CDH22: variants seen among roughly 807,000 people sequenced by gnomAD.
CDH22 encodes the protein cadherin 22, also known as cadherin-22.
In CDH22, 30 loss-of-function variants were observed where a neutral mutation model predicts 58.4. The ratio of observed to expected loss-of-function variants is 0.51; its 90% CI spans 0.38 to 0.70. The LOEUF (loss-of-function observed/expected upper bound fraction) is 0.70, where lower values mean the gene tolerates loss of function less well. Ranked by LOEUF, CDH22 falls within the 30% of genes least tolerant of loss-of-function variation. The probability of loss-of-function intolerance (pLI) is 0.00; values close to 1 mark genes in which losing one functional copy is unlikely to be tolerated. For missense variants in CDH22, 1,014 were observed against 1,233.9 expected (o/e 0.82, Z 2.67); for synonymous variants, 513 against 558.2 (o/e 0.92, Z 1.14).
chr20:46,187,181 C>T (rs368110588), intron 8 of CDH22, among the ~76,000 whole-genome samples: 1 of 152,072 alleles, frequency 6.6e-6, no homozygotes, highest in South Asian at 2.1e-4. Context: ...ATCACTACAA[C>T]GCTTGCCACC....
Position 46,274,827 on chromosome 20 carries a change from C to CAAA in CDH22, c.-399-23137_-399-23135dup, listed in dbSNP as rs3091883. Among the ~76,000 whole-genome samples, 104 of 140,330 alleles carry CAAA rather than the reference C, an allele frequency of 7.4e-4. 1 individual carries two copies. The highest frequency in any genetic ancestry group is 1.4e-3 in the Admixed American group (20 of 14,192). The allele number at this position is 140,330 out of a possible 152,430, so 92.1% of individuals were successfully genotyped here. ...TATGTGCAATGAAATGAGCCAGATG[C>CAAA]AAAAAAAAAAAAACCAAAAATCATA... On this transcript the variant is annotated intron_variant, in intron 1 of 11. Coordinates refer to ENST00000537909, the MANE Select transcript of CDH22 (RefSeq NM_021248.3).
chr20:46,185,944 G>T (rs546056416), intron 10 of CDH22, among the ~76,000 whole-genome samples: 3 of 151,660 alleles, frequency 2.0e-5, no homozygotes, highest in Non-Finnish European at 4.4e-5. Context: ...TGGGCACAGT[G>T]GCTCATGCCT....
intron 1 of CDH22, among the ~76,000 whole-genome samples, chr20:46,301,395 T>C (rs893285447): frequency 6.6e-6 from 1 of 152,130 alleles, no homozygotes; most frequent in African/African-American, 2.4e-5. Flanking sequence ...GTGGCAGAGC[T>C]GGAACTTCAA....
intron 2 of CDH22, among the ~76,000 whole-genome samples, chr20:46,246,430 T>A (rs182672324): frequency 0.021 from 3,234 of 152,286 alleles, 53 homozygotes; most frequent in Non-Finnish European, 0.032. Flanking sequence ...TATCTTTTTT[T>A]AAAAAATTAA....
intron 3 of CDH22, among the ~76,000 whole-genome samples, chr20:46,240,200 G>A (rs987373713): frequency 2.6e-5 from 4 of 152,066 alleles, no homozygotes; most frequent in South Asian, 2.1e-4. Context: ...GTCTGCGGCT[G>A]CACACCAGGG....
chr20:46,273,889 G>T (rs1026311722), intron 1 of CDH22, among the ~76,000 whole-genome samples: 37 of 152,212 alleles, frequency 2.4e-4, no homozygotes, highest in African/African-American at 8.7e-4. Context: ...GCCAAGGAAG[G>T]CCCCAGGGCC....
rs1228500708 is a variant in CDH22 at position 46,175,076 on chromosome 20, C to A, written c.1917G>T (p.Val639=). ...TGAGGGTGAGGATCAGCAGCACCAG[C>A]ACTGCGAGGGGGACAGAGGGGGCAA... ...ALLVCVLILV[V]LVLLILTLRR... Residue 639 remains valine, a splice_region_variant and synonymous_variant, in exon 12 of 12, where the codon GTG becomes GTT. Coordinates refer to ENST00000537909, the MANE Select transcript of CDH22 (RefSeq NM_021248.3). 6.3e-7 allele frequency: 1 copy of A among 1,594,002 alleles called. No homozygotes were observed. Among genetic ancestry groups the A allele is most frequent in the South Asian group, 1.1e-5 (1 of 89,016 alleles).
At chr20:46,192,688 C>T (rs980218720) in intron 8 of CDH22, among the ~76,000 whole-genome samples, 1 of 151,986 alleles carries the variant, frequency 6.6e-6, no homozygotes, top group African/African-American at 2.4e-5. Context: ...CTCCACTATC[C>T]CCCCAGCCCC....
intron 1 of CDH22, among the ~76,000 whole-genome samples, chr20:46,286,099 A>C (rs1272881980): frequency 6.6e-6 from 1 of 152,154 alleles, no homozygotes; most frequent in Admixed American, 6.5e-5. Flanking sequence ...GTTTTTCTAC[A>C]AGGAAAAGAG....
chr20:46,265,438 A>G (rs1031975236), intron 1 of CDH22, among the ~76,000 whole-genome samples: 47 of 152,160 alleles, frequency 3.1e-4, no homozygotes, highest in Non-Finnish European at 5.3e-4. Context: ...CCATGAATCC[A>G]CACTTTGAGC....
intron 3 of CDH22, among the ~76,000 whole-genome samples, chr20:46,236,099 C>A (rs1047050316): frequency 1.3e-5 from 2 of 152,162 alleles, no homozygotes; most frequent in Non-Finnish European, 2.9e-5. Flanking sequence ...ATTTGCTGTT[C>A]TCTCTGCCTG....
chr20:46,306,006 G>T (rs944851666), intron 1 of CDH22, among the ~76,000 whole-genome samples: 6 of 152,236 alleles, frequency 3.9e-5, no homozygotes, highest in Non-Finnish European at 8.8e-5. Flanking sequence ...TGACAGAAAG[G>T]CTGTGACTCA....
At position 46,308,397 on chromosome 20, in the gene CDH22, A is replaced by G. The variant is rs2059033053; in HGVS notation, c.-542T>C. 2 of 203,030 alleles carry G rather than the reference A, an allele frequency of 9.9e-6. No homozygotes were observed. Among genetic ancestry groups the G allele is most frequent in the African/African-American group, 2.4e-5 (1 of 41,978 alleles). The allele number at this position is 203,030 out of a possible 1,614,324, so 12.6% of individuals were successfully genotyped here. On this transcript the variant is annotated 5_prime_UTR_variant, in exon 1 of 12. Coordinates refer to ENST00000537909, the MANE Select transcript of CDH22 (RefSeq NM_021248.3). This position sits in a 1 kb window ranked among gnomAD's most constrained non-coding sequence, Gnocchi z 4.3. ...GAGGGAGAGCGGGAGCGAGAGGGGG[A>G]GCCGCGGCGGCGTGTGCGCGCGTGT...
chr20:46,200,182 G>A (rs369733217), intron 7 of CDH22, among the ~76,000 whole-genome samples: 5 of 151,798 alleles, frequency 3.3e-5, no homozygotes, highest in East Asian at 3.9e-4. Flanking sequence ...CACCGTGTTA[G>A]CCAGGATGGT....
chr20:46,190,138 T>C (rs1390568932), intron 8 of CDH22, among the ~76,000 whole-genome samples: 1 of 152,204 alleles, frequency 6.6e-6, no homozygotes, highest in Non-Finnish European at 1.5e-5. Flanking sequence ...GTTTCTGGGA[T>C]AAAACAAGGA....
In CDH22 at chr20:46,251,344, G is replaced by A; in HGVS notation, c.-50C>T. The A allele has an allele frequency of 7.1e-7, 1 of 1,405,984 alleles. No homozygotes were observed. The highest frequency in any genetic ancestry group is 1.5e-5 in the South Asian group (1 of 65,346). The allele number at this position is 1,405,984 out of a possible 1,614,324, so 87.1% of individuals were successfully genotyped here. ...CCAGGAGCATGGACGAGAGGCACCA[G>A]GGCGCCGCTGCTTGGTCGCACAACG... On this transcript the variant is annotated 5_prime_UTR_variant, in exon 2 of 12. Coordinates refer to ENST00000537909, the MANE Select transcript of CDH22 (RefSeq NM_021248.3). This position sits in a 1 kb window ranked among gnomAD's most constrained non-coding sequence, Gnocchi z 6.7.
intron 1 of CDH22, among the ~76,000 whole-genome samples, chr20:46,271,590 C>T (rs1268917749): frequency 6.6e-6 from 1 of 152,158 alleles, no homozygotes; most frequent in East Asian, 1.9e-4. Context: ...CTACTCCCAA[C>T]ATGCACCGAG....
At chr20:46,283,205 G>A (rs1020472285) in intron 1 of CDH22, among the ~76,000 whole-genome samples, 3 of 152,200 alleles carry the variant, frequency 2.0e-5, no homozygotes, top group Non-Finnish European at 2.9e-5. Flanking sequence ...GTGCAAGCTC[G>A]AGTTGGGGTT....
chr20:46,299,552 A>G (rs1390619734), intron 1 of CDH22, among the ~76,000 whole-genome samples: 8 of 152,246 alleles, frequency 5.3e-5, no homozygotes, highest in Non-Finnish European at 1.2e-4. Context: ...CATATACAGA[A>G]TTCAAGGGAA....
Sources: gnomAD v4.1 joint callset for allele counts (sites outside exome capture counted in the v4.1 genomes callset) on GRCh38, gnomAD v4.1.1 for gene constraint, Gnocchi (gnomAD v3.1) non-coding constraint, MANE v1.5 for transcripts, NCBI Gene and HGNC (gene_info 2026-07-23, HGNC 2026-07-21) for gene names.